The following LINC00305 variants were observed in gnomAD, a reference collection of about 807,000 sequenced individuals.
LINC00305 encodes the protein long independently transcribed non-coding RNA 305.
chr18:64,120,462 T>C (rs1320077646), intron 1 of LINC00305, among the ~76,000 whole-genome samples: 2 of 152,120 alleles, frequency 1.3e-5, no homozygotes, highest in Admixed American at 6.6e-5. Context: ...GGGTATTTTT[T>C]TTTTTAGTTT....
At chr18:64,125,326 A>G (rs2051379911) in intron 1 of LINC00305, among the ~76,000 whole-genome samples, 6 of 152,010 alleles carry the variant, frequency 3.9e-5, no homozygotes, top group Admixed American at 3.9e-4. Flanking sequence ...TGCTCCCAGT[A>G]TCTTTTCCCC....
intron 1 of LINC00305, among the ~76,000 whole-genome samples, chr18:64,132,456 T>C (rs1279636864): frequency 6.6e-6 from 1 of 152,226 alleles, no homozygotes; most frequent in African/African-American, 2.4e-5. Context: ...TTTCAAGCGC[T>C]CTGCCGAATT....
chr18:64,090,456 C>T (rs1171952170), intron 3 of LINC00305, among the ~76,000 whole-genome samples: 1 of 152,182 alleles, frequency 6.6e-6, no homozygotes, highest in Non-Finnish European at 1.5e-5. Flanking sequence ...GTAATCTGTG[C>T]TACTATCAAT....
intron 1 of LINC00305, among the ~76,000 whole-genome samples, chr18:64,134,269 G>A (rs2144271120): frequency 6.6e-6 from 1 of 152,288 alleles, no homozygotes; most frequent in South Asian, 2.1e-4. Flanking sequence ...TACAGCTGGT[G>A]AATGTTATTT....
intron 3 of LINC00305, among the ~76,000 whole-genome samples, chr18:64,094,840 C>A (rs2144897763): frequency 9.1e-6 from 1 of 109,304 alleles, no homozygotes; most frequent in East Asian, 2.1e-4. Flanking sequence ...AGGGACAGAG[C>A]AAGACTTCAT....
intron 1 of LINC00305, chr18:64,104,244 T>C (rs1028553108): frequency 6.6e-6 from 1 of 152,240 alleles, no homozygotes; most frequent in Non-Finnish European, 1.5e-5. Flanking sequence ...AGGTATGGGA[T>C]AACCACTTGG....
intron 3 of LINC00305, among the ~76,000 whole-genome samples, chr18:64,086,459 CA>C (rs1480015525): frequency 6.6e-6 from 1 of 152,086 alleles, no homozygotes; most frequent in Non-Finnish European, 1.5e-5. Flanking sequence ...ATTGAAAAAA[CA>C]AATAGAGAAT....
intron 1 of LINC00305, among the ~76,000 whole-genome samples, chr18:64,118,818 G>A (rs1250473599): frequency 1.5e-5 from 2 of 132,246 alleles, no homozygotes; most frequent in Admixed American, 1.6e-4. Context: ...TCAAGACCCT[G>A]GGGGTCTGTG....
intron 1 of LINC00305, among the ~76,000 whole-genome samples, chr18:64,128,255 A>G (rs2051393919): frequency 6.6e-6 from 1 of 152,088 alleles, no homozygotes; most frequent in Non-Finnish European, 1.5e-5. Flanking sequence ...TACTTGTGCA[A>G]TGTAGAAAGA....
intron 1 of LINC00305, among the ~76,000 whole-genome samples, chr18:64,113,884 T>C (rs2051325921): frequency 6.6e-6 from 1 of 152,252 alleles, no homozygotes; most frequent in Admixed American, 6.5e-5. Flanking sequence ...CTTGTAATTC[T>C]CTCAAATATC....
chr18:64,124,130 G>A (rs143713157), intron 1 of LINC00305, among the ~76,000 whole-genome samples: 134 of 152,208 alleles, frequency 8.8e-4, no homozygotes, highest in Non-Finnish European at 1.3e-3. Flanking sequence ...CTTCCCAAAA[G>A]CCTTCTGAGA....
chr18:64,092,111 CTA>C (rs1464562664), intron 3 of LINC00305, among the ~76,000 whole-genome samples: 3 of 152,134 alleles, frequency 2.0e-5, no homozygotes, highest in Admixed American at 2.0e-4. Context: ...TTAATTTCAC[CTA>C]TGTCACCTCC....
chr18:64,088,409 C>A lies in LINC00305; in HGVS notation n.541-8007G>T, dbSNP rs555425520. Among the ~76,000 whole-genome samples, 5 of 152,332 alleles carry A rather than the reference C, an allele frequency of 3.3e-5. No individual in the cohort carries two copies. In the East Asian group the frequency reaches 9.7e-4, roughly 29 times the overall value. On this transcript the variant is annotated intron_variant and non_coding_transcript_variant, in intron 3 of 3. Coordinates refer to ENST00000666468, the Ensembl canonical transcript of LINC00305. The stretch of plus-strand genomic sequence containing the variant: ...CAGGAATTCTTCATGCATCTCAGTG[C>A]TCTTTCTTGGGCAGTCTTCCTAAAT...
rs535973246 is a variant in LINC00305 at position 64,096,182 on chromosome 18, T to C, written n.540+1652A>G. Among the ~76,000 whole-genome samples the C allele has an allele frequency of 2.6e-5, 4 of 152,084 alleles. No individual in the cohort carries two copies. In the South Asian group the frequency reaches 8.3e-4, roughly 32 times the overall value. On this transcript the variant is annotated intron_variant and non_coding_transcript_variant, in intron 3 of 3. Coordinates refer to ENST00000666468, the Ensembl canonical transcript of LINC00305. ...ATAAGAATCTTTATGCATAATAACA[T>C]AAAACTTGATAAAGTGATATGAAGA... is the stretch of plus-strand genomic sequence containing the variant.
chr18:64,123,374 T>C (rs2051370530), intron 1 of LINC00305, among the ~76,000 whole-genome samples: 1 of 152,116 alleles, frequency 6.6e-6, no homozygotes, highest in Non-Finnish European at 1.5e-5. Context: ...CTTCTGATAA[T>C]GCACTTCTTT....
At chr18:64,094,265 A>G (rs2144897364) in intron 3 of LINC00305, among the ~76,000 whole-genome samples, 1 of 152,346 alleles carries the variant, frequency 6.6e-6, no homozygotes. Flanking sequence ...AGGACAATTG[A>G]AGGAAAACAC....
At chr18:64,139,001 C>G (rs1442980035) in intron 1 of LINC00305, among the ~76,000 whole-genome samples, 1 of 152,118 alleles carries the variant, frequency 6.6e-6, no homozygotes, top group East Asian at 1.9e-4. Context: ...GTAAAAACAC[C>G]CAGAACCGCC....
At chr18:64,120,179 C>A (rs1568112714) in intron 1 of LINC00305, among the ~76,000 whole-genome samples, 1 of 152,064 alleles carries the variant, frequency 6.6e-6, no homozygotes, top group Admixed American at 6.6e-5. Flanking sequence ...AATTTCCCAG[C>A]CTGATGTGGA....
chr18:64,090,978 A>G (rs921013432), intron 3 of LINC00305, among the ~76,000 whole-genome samples: 1 of 152,222 alleles, frequency 6.6e-6, no homozygotes, highest in African/African-American at 2.4e-5. Flanking sequence ...ATTTACCAAC[A>G]CTTTCTGCCA....
Sources: allele counts gnomAD v4.1 joint callset (sites outside exome capture counted in the v4.1 genomes callset), GRCh38; gene constraint gnomAD v4.1.1; transcripts MANE v1.5; gene names NCBI Gene and HGNC (gene_info 2026-07-23, HGNC 2026-07-21).